The following MYH16 variants were observed in gnomAD, a reference collection of about 807,000 sequenced individuals.
MYH16 encodes the protein myosin heavy chain 16.
At chr7:99,301,508 C>T (rs1010216134) in intron 37 of MYH16, 93 bp from the exon 19 acceptor site, 13 of 152,750 alleles carry the variant, frequency 8.5e-5, no homozygotes, top group African/African-American at 2.9e-4. Context: ...TGAACCCAGT[C>T]GATAAAGGTC....
At chr7:99,269,054 G>A (rs147363709) in intron 18 of MYH16, among the ~76,000 whole-genome samples, 32 of 152,302 alleles carry the variant, frequency 2.1e-4, no homozygotes, top group African/African-American at 7.5e-4. Context: ...GCTGAGGCCA[G>A]AATGCAGGTC....
Position 99,279,748 on chromosome 7 carries a change from GC to G in MYH16, n.2887+13del, listed in dbSNP as rs1324781799. On this transcript the variant is annotated intron_variant and non_coding_transcript_variant, in intron 22 of 41. Coordinates refer to ENST00000439784, the Ensembl canonical transcript of MYH16. ...GAGAAGGAGAAGCAGGTGAGGAGAGGCCGGGGCCCTGCCACGCTTTTCTCAG... is the reference window on the plus strand; with the variant it reads ...GAGAAGGAGAAGCAGGTGAGGAGAGGCGGGGCCCTGCCACGCTTTTCTCAG... The G allele has an allele frequency of 2.2e-6, 1 of 452,828 alleles. No homozygotes were observed. Among genetic ancestry groups the G allele is most frequent in the South Asian group, 1.6e-5 (1 of 64,370 alleles). 28.1% of individuals were successfully genotyped at this position (452,828 alleles called of 1,614,324 possible). A position where few individuals can be genotyped will look rare whatever the true frequency, so the allele number is the denominator to read the frequency against.
At chr7:99,301,020 C>G (rs1239985798) in intron 37 of MYH16, among the ~76,000 whole-genome samples, 1 of 151,744 alleles carries the variant, frequency 6.6e-6, no homozygotes, top group Non-Finnish European at 1.5e-5. Flanking sequence ...CCTGGCAAAA[C>G]CCCATCTCTA....
chr7:99,245,332 A>T (rs575005323), intron 2 of MYH16, among the ~76,000 whole-genome samples: 135 of 152,308 alleles, frequency 8.9e-4, no homozygotes, highest in Non-Finnish European at 1.5e-3. Flanking sequence ...GATAGGGAGC[A>T]GTTATTCTTA....
rs1033894178 is a variant in MYH16 at position 99,246,370 on chromosome 7, G to A, written n.355-1224G>A. Among the ~76,000 whole-genome samples, 6 of 151,850 alleles carry A rather than the reference G, an allele frequency of 4.0e-5. No individual in the cohort carries two copies. The East Asian group carries it at 1.2e-3, about 30-fold the overall frequency. Reference sequence around the variant, plus strand: ...CAGAAATTCTCAATAGACTCTCAAGGAAAGCCAGATATATTAAGTGGCAAA... The same window carrying A: ...CAGAAATTCTCAATAGACTCTCAAGAAAAGCCAGATATATTAAGTGGCAAA... On this transcript the variant is annotated intron_variant and non_coding_transcript_variant, in intron 2 of 41. Coordinates refer to ENST00000439784, the Ensembl canonical transcript of MYH16.
intron 22 of MYH16, among the ~76,000 whole-genome samples, chr7:99,280,443 G>C (rs1476528215): frequency 6.6e-6 from 1 of 152,216 alleles, no homozygotes; most frequent in Non-Finnish European, 1.5e-5. Flanking sequence ...CAGCTCCCTG[G>C]GGGAAGCCCT....
At chr7:99,240,077 G>A (rs879421025) in intron 1 of MYH16, among the ~76,000 whole-genome samples, 15 of 144,862 alleles carry the variant, frequency 1.0e-4, no homozygotes, top group African/African-American at 3.9e-4. Context: ...TATTTTAAAT[G>A]GGTAAGGGCA....
At chr7:99,252,743 C>G (rs1791825498) in intron 6 of MYH16, 1 of 153,066 alleles carries the variant, frequency 6.5e-6, no homozygotes, top group Non-Finnish European at 1.5e-5. Flanking sequence ...TTGGCCAACT[C>G]TGGGCCACTT....
chr7:99,250,753 G>C (rs1791800315), intron 5 of MYH16, among the ~76,000 whole-genome samples: 1 of 152,086 alleles, frequency 6.6e-6, no homozygotes, highest in Admixed American at 6.6e-5. Context: ...AAAGGGGTGG[G>C]GGGATGTGTA....
chr7:99,290,856 T>C, intron 30 of MYH16: 1 of 151,390 alleles, frequency 6.6e-6, no homozygotes, highest in Non-Finnish European at 1.5e-5. Context: ...AAAATGAAGC[T>C]CAGTGAGCTC....
At chr7:99,244,015 G>A (rs755893914) in intron 2 of MYH16, among the ~76,000 whole-genome samples, 29 of 148,362 alleles carry the variant, frequency 2.0e-4, no homozygotes, top group Admixed American at 4.0e-4. Context: ...ACATCTATCC[G>A]TCAATCTATT....
intron 23 of MYH16, among the ~76,000 whole-genome samples, 162 bp from the exon 6 acceptor site, chr7:99,283,403 A>G (rs1379880021): frequency 6.6e-6 from 1 of 152,196 alleles, no homozygotes; most frequent in Admixed American, 6.5e-5. Flanking sequence ...CTCTGGCCTT[A>G]CCCAGCGCCC....
chr7:99,274,482 C>A (rs1262757723), intron 20 of MYH16, among the ~76,000 whole-genome samples: 2 of 152,188 alleles, frequency 1.3e-5, no homozygotes, highest in African/African-American at 2.4e-5. Flanking sequence ...ACAATCAGCA[C>A]CCACCACAGA....
exon 33 of MYH16, chr7:99,294,082 G>A (rs1168752113): frequency 2.2e-6 from 1 of 455,906 alleles, no homozygotes; most frequent in Non-Finnish European, 4.4e-6. Flanking sequence ...GGCCCGGGCC[G>A]CCTCCCTCGA....
chr7:99,298,114 C>T, intron 36 of MYH16, 119 bp downstream of exon 17: 1 of 388,298 alleles, frequency 2.6e-6, no homozygotes. Context: ...GTGAACCTTG[C>T]TGAACATGTT....
intron 37 of MYH16, among the ~76,000 whole-genome samples, chr7:99,301,070 C>T (rs2150836295): frequency 6.6e-6 from 1 of 151,776 alleles, no homozygotes; most frequent in South Asian, 2.1e-4. Context: ...TGGCAGGCAC[C>T]TGTAATCACA....
chr7:99,287,015 C>T (rs530566744), intron 28 of MYH16, among the ~76,000 whole-genome samples: 1 of 152,276 alleles, frequency 6.6e-6, no homozygotes, highest in East Asian at 1.9e-4. Flanking sequence ...GCACAGCAGG[C>T]CACGCAGGGC....
At chr7:99,271,763 G>C (rs1285577932) in intron 19 of MYH16, among the ~76,000 whole-genome samples, 1 of 152,154 alleles carries the variant, frequency 6.6e-6, no homozygotes, top group East Asian at 1.9e-4. Flanking sequence ...ACAGTGGTGC[G>C]ATCATAGCTC....
At position 99,293,891 on chromosome 7, in the gene MYH16, T is replaced by C. The variant is rs1792430247; in HGVS notation, n.4150-127T>C. The C allele has an allele frequency of 1.2e-5, 4 of 333,058 alleles. No individual in the cohort carries two copies. In the Admixed American group the frequency reaches 1.3e-4, roughly 10 times the overall value. The allele number at this position is 333,058 out of a possible 1,614,324, so 20.6% of individuals were successfully genotyped here. Reference sequence around the variant, plus strand: ...AGCTGTGGCTGTCCTGTAAACACTCTGCATCGTTTCCAATGTTGACACCAG... The same window carrying C: ...AGCTGTGGCTGTCCTGTAAACACTCCGCATCGTTTCCAATGTTGACACCAG... On this transcript the variant is annotated intron_variant and non_coding_transcript_variant, in intron 32 of 41. Transcript: ENST00000439784.
Sources: gnomAD v4.1 joint callset for allele counts (sites outside exome capture counted in the v4.1 genomes callset) on GRCh38, gnomAD v4.1.1 for gene constraint, MANE v1.5 for transcripts, NCBI Gene and HGNC (gene_info 2026-07-23, HGNC 2026-07-21) for gene names.